Variants in PHLDB2 observed in about 807,000 individuals in gnomAD.
PHLDB2 encodes pleckstrin homology like domain family B member 2.
In PHLDB2, 71 loss-of-function variants were observed where a neutral mutation model predicts 123.6. That is an observed-to-expected ratio of 0.57 (90% CI 0.47 to 0.70). PHLDB2 has a LOEUF of 0.70. Among genes scored for constraint, PHLDB2 ranks in the 30% least tolerant of loss-of-function variants. PHLDB2 has a pLI of 0.00. For missense variants in PHLDB2, 1,446 were observed against 1,519.5 expected (o/e 0.95, Z 0.80); for synonymous variants, 547 against 541.6 (o/e 1.01, Z -0.14).
At chr3:111,840,994 T>C (rs969918112) in intron 1 of PHLDB2, among the ~76,000 whole-genome samples, 7 of 152,004 alleles carry the variant, frequency 4.6e-5, no homozygotes, top group Non-Finnish European at 7.4e-5. Context: ...CACAGAGGAG[T>C]TTAGGCAGCT....
intron 1 of PHLDB2, among the ~76,000 whole-genome samples, chr3:111,863,569 T>C (rs1201809687): frequency 2.6e-5 from 4 of 152,176 alleles, no homozygotes; most frequent in Non-Finnish European, 4.4e-5. Context: ...ACAAAATAAC[T>C]ATGGGGGTAA....
rs1553726797 is a variant in PHLDB2 at position 111,780,399 on chromosome 3, A to AGAAGAAGAAGAAGAGGAAG, written c.-49+47708_-49+47709insGAGGAAGGAAGAAGAAGAA. On this transcript the variant is annotated intron_variant, in intron 1 of 17. Transcript: ENST00000393923. ...AAGAAGAAGAAGAAGAAGAAGAAGA[A>AGAAGAAGAAGAAGAGGAAG]GAAGAAGAAGAAAAAGATTAGTTCG... is the stretch of plus-strand genomic sequence containing the variant. 6.3e-3 allele frequency among the ~76,000 whole-genome samples: 470 copies of AGAAGAAGAAGAAGAGGAAG among 74,442 alleles called. 104 individuals carry two copies. The highest frequency in any genetic ancestry group is 9.2e-3 in the Non-Finnish European group (316 of 34,308). 48.8% of individuals were successfully genotyped at this position (74,442 alleles called of 152,430 possible).
intron 2 of PHLDB2, among the ~76,000 whole-genome samples, chr3:111,888,032 G>A (rs112516321): frequency 1.2e-4 from 18 of 152,210 alleles, no homozygotes; most frequent in African/African-American, 4.3e-4. Context: ...AACAATATCA[G>A]CATGAAGGAG....
chr3:111,826,113 C>T (rs923042857), intron 1 of PHLDB2, among the ~76,000 whole-genome samples: 4 of 151,684 alleles, frequency 2.6e-5, no homozygotes, highest in African/African-American at 9.7e-5. Flanking sequence ...ACCCACCTGG[C>T]CAACATGGTG....
intron 1 of PHLDB2, among the ~76,000 whole-genome samples, chr3:111,786,787 T>A (rs1421584594): frequency 6.6e-6 from 1 of 151,224 alleles, no homozygotes; most frequent in Non-Finnish European, 1.5e-5. Flanking sequence ...GATCTAAGAG[T>A]CCCCTCAAAG....
intron 9 of PHLDB2, among the ~76,000 whole-genome samples, chr3:111,945,637 G>C (rs1483267869): frequency 1.3e-5 from 2 of 151,904 alleles, no homozygotes; most frequent in Admixed American, 1.3e-4. Context: ...GGTTAATCTG[G>C]GGTTTCAAAA....
chr3:111,903,674 C>T (rs763922101), intron 2 of PHLDB2, among the ~76,000 whole-genome samples: 8 of 152,270 alleles, frequency 5.3e-5, no homozygotes, highest in African/African-American at 1.2e-4. Flanking sequence ...GTTCACTTCA[C>T]GCTTTTGACA....
At position 111,892,579 on chromosome 3, in the gene PHLDB2, C is replaced by A. The variant is rs557477532; in HGVS notation, c.1335+7167C>A. Among the ~76,000 whole-genome samples, 4 of 152,180 alleles carry A rather than the reference C, an allele frequency of 2.6e-5. No homozygotes were observed. In the East Asian group the frequency reaches 7.7e-4, roughly 29 times the overall value. ...TTCTAGGTAATAGAGAAGCTCTATA[C>A]AAAAAATGAAGATATCTCAGTATAA... On this transcript the variant is annotated intron_variant, in intron 2 of 17. Transcript: ENST00000431670.
chr3:111,873,284 G>A (rs2065434043), intron 1 of PHLDB2, among the ~76,000 whole-genome samples: 1 of 152,168 alleles, frequency 6.6e-6, no homozygotes, highest in Non-Finnish European at 1.5e-5. Context: ...TTTAGAAAAA[G>A]TGTATATTTG....
At chr3:111,838,127 C>T (rs930176853) in intron 1 of PHLDB2, among the ~76,000 whole-genome samples, 9 of 152,078 alleles carry the variant, frequency 5.9e-5, no homozygotes, top group Admixed American at 1.3e-4. Context: ...GTCTAGAGTG[C>T]GGGTAAGGTA....
At chr3:111,757,207 C>T (rs575142733) in intron 1 of PHLDB2, among the ~76,000 whole-genome samples, 3 of 152,312 alleles carry the variant, frequency 2.0e-5, no homozygotes, top group Non-Finnish European at 2.9e-5. Context: ...CCTTGCTAGA[C>T]TGGGGAAGTT....
rs1045776174 is a variant in PHLDB2, at chr3:111,859,349, C to T, written c.-242C>T. 3.0e-6 allele frequency: 3 copies of T among 985,540 alleles called. No homozygotes were observed. The Admixed American group carries it at 1.8e-4, about 61-fold the overall frequency. 61.0% of individuals were successfully genotyped at this position (985,540 alleles called of 1,614,324 possible). ...ATGCCCTTCCAGCAGCCGTGAAAGC[C>T]CCAACAGCAAACTGCCTGGGAGCGG... On this transcript the variant is annotated 5_prime_UTR_variant, in exon 1 of 18. Transcript: ENST00000431670.
intron 1 of PHLDB2, among the ~76,000 whole-genome samples, chr3:111,860,752 T>G (rs948971686): frequency 6.6e-6 from 1 of 152,220 alleles, no homozygotes; most frequent in African/African-American, 2.4e-5. Context: ...GGCCCTGCCC[T>G]CTTCCCTAGA....
In PHLDB2 at chr3:111,885,050, G is replaced by A. The variant is rs1415906138; in HGVS notation, c.973G>A (p.Val325Ile). ...CTCTGCTTCTGAAGGCAATCCTTAT[G>A]TAAGTTCTACCCTCAGTGTCCCTGC... ...KTSASEGNPY[V>I]SSTLSVPASP... The change falls in exon 2 of 18, where the codon GTA (valine) becomes ATA (isoleucine). Residue 325 changes from valine to isoleucine, a missense_variant. By Grantham distance (29) the Val-to-Ile change is conservative. This residue lies in a region of PHLDB2 where 832 missense variants were observed against 831.9 expected (regional missense o/e 1.00). Transcript: ENST00000431670. 3 of 1,614,056 alleles carry A rather than the reference G, an allele frequency of 1.9e-6. No individual in the cohort carries two copies. Among genetic ancestry groups the A allele is most frequent in the Non-Finnish European group, 2.5e-6 (3 of 1,180,038 alleles).
chr3:111,908,071 A>G (rs2067661148), intron 2 of PHLDB2, among the ~76,000 whole-genome samples: 1 of 152,186 alleles, frequency 6.6e-6, no homozygotes, highest in Non-Finnish European at 1.5e-5. Context: ...TTCAGTCTCC[A>G]GCTTGGCTGA....
intron 1 of PHLDB2, among the ~76,000 whole-genome samples, chr3:111,794,468 C>T (rs1184461708): frequency 1.3e-5 from 2 of 152,178 alleles, no homozygotes; most frequent in Non-Finnish European, 2.9e-5. Context: ...TGTGATCACT[C>T]ACCTGATTTT....
intron 1 of PHLDB2, among the ~76,000 whole-genome samples, chr3:111,822,721 T>A (rs2062461446): frequency 6.6e-6 from 1 of 152,162 alleles, no homozygotes; most frequent in Non-Finnish European, 1.5e-5. Flanking sequence ...TGAGCTCTTC[T>A]CTTATTCCAA....
chr3:111,778,933 A>G (rs927788526), intron 1 of PHLDB2, among the ~76,000 whole-genome samples: 2 of 151,970 alleles, frequency 1.3e-5, no homozygotes, highest in Non-Finnish European at 2.9e-5. Context: ...TTCCTTACTG[A>G]TTCCCTTTAG....
intron 1 of PHLDB2, among the ~76,000 whole-genome samples, chr3:111,751,669 G>T (rs982635103): frequency 1.4e-5 from 2 of 142,704 alleles, no homozygotes; most frequent in East Asian, 2.2e-4. Context: ...AAATTTAAAT[G>T]CCAAGGAGGT....
Sources: allele counts gnomAD v4.1 joint callset (sites outside exome capture counted in the v4.1 genomes callset), GRCh38; gene constraint gnomAD v4.1.1; regional missense constraint gnomAD v4.1.1; transcripts MANE v1.5; gene names NCBI Gene and HGNC (gene_info 2026-07-23, HGNC 2026-07-21).